Variants in RAP1GAP2 observed in about 807,000 individuals in gnomAD.
The protein encoded by RAP1GAP2 is rap1 GTPase-activating protein 2.
RAP1GAP2 carries 27 observed loss-of-function variants against 95.0 expected under a neutral mutation model. The observed-to-expected ratio is 0.28, with a 90% CI of 0.21 to 0.39. The LOEUF (loss-of-function observed/expected upper bound fraction) is 0.39, where lower values mean the gene tolerates loss of function less well. Ranked by LOEUF, RAP1GAP2 falls within the 10% of genes least tolerant of loss-of-function variation. The probability of loss-of-function intolerance (pLI) is 1.00; values close to 1 mark genes in which losing one functional copy is unlikely to be tolerated. For missense variants in RAP1GAP2, 771 were observed against 970.0 expected (o/e 0.79, Z 2.72); for synonymous variants, 373 against 380.9 (o/e 0.98, Z 0.24).
chr17:2,839,795 T>G (rs766229237), intron 2 of RAP1GAP2, among the ~76,000 whole-genome samples: 4 of 152,104 alleles, frequency 2.6e-5, no homozygotes, highest in Non-Finnish European at 5.9e-5. Context: ...ATAGAACCAT[T>G]TTTCTTTTTT....
intron 12 of RAP1GAP2, 48 bp downstream of exon 12, chr17:2,991,445 A>G: frequency 7.0e-7 from 1 of 1,433,812 alleles, no homozygotes; most frequent in Non-Finnish European, 9.7e-7. Flanking sequence ...CAAGGGCACT[A>G]GAGGAAGGGC....
At chr17:2,944,703 G>A (rs983964781) in intron 3 of RAP1GAP2, among the ~76,000 whole-genome samples, 3 of 152,124 alleles carry the variant, frequency 2.0e-5, no homozygotes, top group Non-Finnish European at 4.4e-5. Context: ...GCGTTAGATA[G>A]GTAGATCACT....
At chr17:2,951,405 C>A (rs532211753) in intron 3 of RAP1GAP2, among the ~76,000 whole-genome samples, 20 of 152,202 alleles carry the variant, frequency 1.3e-4, no homozygotes, top group Admixed American at 2.6e-4. Flanking sequence ...TCCATGAATT[C>A]TTTGATGCTT....
chr17:2,889,714 A>C, intron 2 of RAP1GAP2, among the ~76,000 whole-genome samples: 2 of 125,288 alleles, frequency 1.6e-5, no homozygotes, highest in African/African-American at 6.2e-5. Context: ...ATGGAGTCTC[A>C]CTCTGTCGCC....
intron 17 of RAP1GAP2, among the ~76,000 whole-genome samples, chr17:3,016,870 G>A (rs1443424): frequency 0.69 from 104,308 of 152,060 alleles, 36,294 homozygotes; most frequent in Non-Finnish European, 0.75. Flanking sequence ...AGAGGGCCCA[G>A]AAGCCCAGAT....
chr17:3,034,407 G>C lies in RAP1GAP2; in HGVS notation c.*1046G>C, dbSNP rs754525224. ...CACTTACTCGAGGAGAGAGGTGAGG[G>C]GGGGATGACTTGCGGGTTCTGATCA... On this transcript the variant is annotated 3_prime_UTR_variant, in exon 25 of 25. Coordinates refer to ENST00000254695, the MANE Select transcript of RAP1GAP2 (RefSeq NM_015085.5). This position sits in a 1 kb window ranked among gnomAD's most constrained non-coding sequence, Gnocchi z 5.1. 1.3e-5 allele frequency: 3 copies of C among 234,806 alleles called. No homozygotes were observed. Among genetic ancestry groups the C allele is most frequent in the South Asian group, 3.8e-5 (1 of 26,480 alleles). The allele number at this position is 234,806 out of a possible 1,614,324, so 14.5% of individuals were successfully genotyped here.
intron 2 of RAP1GAP2, among the ~76,000 whole-genome samples, chr17:2,877,551 C>T (rs1233160571): frequency 6.6e-6 from 1 of 152,042 alleles, no homozygotes; most frequent in Admixed American, 6.6e-5. Context: ...AGTTCAAGAC[C>T]AGCCTGGCCA....
In RAP1GAP2 at chr17:2,873,474, C is replaced by CAAAAA. The variant is rs71153308; in HGVS notation, c.81-31777_81-31773dup. 4.4e-4 allele frequency among the ~76,000 whole-genome samples: 5 copies of CAAAAA among 11,422 alleles called. 1 individual carries two copies. The highest frequency in any genetic ancestry group is 4.5e-4 in the Non-Finnish European group (3 of 6,704). The allele number at this position is 11,422 out of a possible 152,430, so 7.5% of individuals were successfully genotyped here. A position where few individuals can be genotyped will look rare whatever the true frequency, so the allele number is the denominator to read the frequency against. ...AGGGTAATAGAATGAGACCCTGTCT[C>CAAAAA]AAAAAAAAAAAAAAAAAAAAAAAAA... On this transcript the variant is annotated intron_variant, in intron 2 of 24. Transcript: ENST00000254695.
At chr17:2,957,238 G>A (rs953209870) in intron 3 of RAP1GAP2, among the ~76,000 whole-genome samples, 1 of 152,148 alleles carries the variant, frequency 6.6e-6, no homozygotes, top group African/African-American at 2.4e-5. Context: ...GTGCCTTGTG[G>A]GCAGGGGACC....
intron 1 of RAP1GAP2, among the ~76,000 whole-genome samples, chr17:2,767,059 C>T (rs951435919): frequency 6.6e-6 from 1 of 151,786 alleles, no homozygotes; most frequent in African/African-American, 2.4e-5. Context: ...AGTCTTCTCC[C>T]TCGTTAAAGA....
chr17:2,796,367 C>A (rs1470158000), upstream of RAP1GAP2: 3 of 742,152 alleles, frequency 4.0e-6, no homozygotes, highest in Non-Finnish European at 6.9e-6. This position sits in a 1 kb window ranked among gnomAD's most constrained non-coding sequence, Gnocchi z 4.7. Context: ...TGCAGCCTCA[C>A]CCACAGGAAG....
At chr17:2,868,739 G>A (rs906362773) in intron 2 of RAP1GAP2, among the ~76,000 whole-genome samples, 1 of 152,008 alleles carries the variant, frequency 6.6e-6, no homozygotes, top group Non-Finnish European at 1.5e-5. Context: ...GGCTGGTCTC[G>A]AACTCCTGAC....
At position 2,866,820 on chromosome 17, in the gene RAP1GAP2, G is replaced by A. The variant is rs532814895; in HGVS notation, c.81-38464G>A. Among the ~76,000 whole-genome samples, 16 of 152,034 alleles carry A rather than the reference G, an allele frequency of 1.1e-4. No individual in the cohort carries two copies. The highest frequency in any genetic ancestry group is 1.8e-4 in the Non-Finnish European group (12 of 68,014). Reference sequence around the variant, plus strand: ...TCACCACGTTGGCCGGGCTGGTCTCGAACTCCTGGCCTCAAGCGATCTGCC... The same window carrying A: ...TCACCACGTTGGCCGGGCTGGTCTCAAACTCCTGGCCTCAAGCGATCTGCC... On this transcript the variant is annotated intron_variant, in intron 2 of 24. Transcript: ENST00000254695. This position sits in a 1 kb window ranked among gnomAD's most constrained non-coding sequence, Gnocchi z 4.0.
intron 2 of RAP1GAP2, among the ~76,000 whole-genome samples, chr17:2,802,457 C>G (rs2069341828): frequency 1.3e-5 from 2 of 152,102 alleles, no homozygotes; most frequent in South Asian, 4.2e-4. Context: ...CGCCTGTAAT[C>G]CCAGTACTTT....
At chr17:2,879,758 T>A (rs1482279625) in intron 2 of RAP1GAP2, among the ~76,000 whole-genome samples, 1 of 151,502 alleles carries the variant, frequency 6.6e-6, no homozygotes, top group African/African-American at 2.4e-5. Flanking sequence ...CTGCTTCCTG[T>A]TGGGTCCTCC....
At chr17:2,918,721 C>G (rs77920794) in intron 3 of RAP1GAP2, among the ~76,000 whole-genome samples, 5,115 of 152,180 alleles carry the variant, frequency 0.034, 129 homozygotes, top group African/African-American at 0.074. Flanking sequence ...GAAATCCGCC[C>G]TCTGATCCAG....
At chr17:2,975,367 A>G (rs566368261) in intron 8 of RAP1GAP2, among the ~76,000 whole-genome samples, 1 of 152,364 alleles carries the variant, frequency 6.6e-6, no homozygotes, top group African/African-American at 2.4e-5. Flanking sequence ...CTTATAAGAG[A>G]CATACCTAAA....
intron 3 of RAP1GAP2, among the ~76,000 whole-genome samples, chr17:2,912,313 G>GT (rs1256255832): frequency 1.3e-5 from 2 of 152,168 alleles, no homozygotes; most frequent in Admixed American, 1.3e-4. Flanking sequence ...GTGTGTGGGG[G>GT]CTTCTGTTCC....
At position 2,870,928 on chromosome 17, in the gene RAP1GAP2, T is replaced by C. The variant is rs1482775755; in HGVS notation, c.81-34356T>C. On this transcript the variant is annotated intron_variant, in intron 2 of 24. Transcript: ENST00000254695. This position sits in a 1 kb window ranked among gnomAD's most constrained non-coding sequence, Gnocchi z 4.4. ...TTGGATCCATGGTTGTAGATCCTTG[T>C]GGGCTAAACGTTTCATTTTATTTTA... 1.3e-5 allele frequency among the ~76,000 whole-genome samples: 2 copies of C among 152,228 alleles called. No individual in the cohort carries two copies. Among genetic ancestry groups the C allele is most frequent in the African/African-American group, 4.8e-5 (2 of 41,452 alleles).
Sources: allele counts gnomAD v4.1 joint callset (sites outside exome capture counted in the v4.1 genomes callset), GRCh38; gene constraint gnomAD v4.1.1; non-coding constraint Gnocchi (gnomAD v3.1); transcripts MANE v1.5; gene names NCBI Gene and HGNC (gene_info 2026-07-23, HGNC 2026-07-21).